KLHDC8A: variants seen among roughly 807,000 people sequenced by gnomAD.
The protein encoded by KLHDC8A is kelch domain containing 8A.
KLHDC8A carries 21 observed loss-of-function variants against 33.1 expected under a neutral mutation model. The observed-to-expected ratio is 0.64, with a 90% CI of 0.45 to 0.91. The LOEUF is 0.91. Among genes scored for constraint, KLHDC8A ranks in the 40% least tolerant of loss-of-function variants. The pLI is 0.00. For synonymous variants in KLHDC8A, 173 were observed against 193.5 expected, an observed-to-expected ratio of 0.89 and a Z score of 0.88; for missense variants, 435 against 483.3, an observed-to-expected ratio of 0.90 and a Z score of 0.94.
At chr1:205,347,517 G>A (rs918730669) in intron 1 of KLHDC8A, among the ~76,000 whole-genome samples, 1 of 152,096 alleles carries the variant, frequency 6.6e-6, no homozygotes, top group Non-Finnish European at 1.5e-5. Context: ...CCAGGAGTTC[G>A]AGACTAGCCT....
At chr1:205,353,562 G>A (rs1056276090) in intron 1 of KLHDC8A, among the ~76,000 whole-genome samples, 4 of 152,104 alleles carry the variant, frequency 2.6e-5, no homozygotes, top group Admixed American at 1.3e-4. Flanking sequence ...GTGATACAAG[G>A]TCTCACTCTG....
intron 1 of KLHDC8A, among the ~76,000 whole-genome samples, chr1:205,346,961 A>T (rs1044946776): frequency 1.3e-5 from 2 of 152,192 alleles, no homozygotes; most frequent in Non-Finnish European, 2.9e-5. Flanking sequence ...ACTAAGGCTC[A>T]TATCCTACAG....
Position 205,337,360 on chromosome 1 carries a change from T to G in KLHDC8A, c.*39A>C. ...ATCATTCCTCATGTTAAGAGTGAAG[T>G]GATATGGTCCAGGGCAAAGGTACTG... On this transcript the variant is annotated 3_prime_UTR_variant, in exon 6 of 6. Transcript: ENST00000367155. 4 of 1,493,884 alleles carry G rather than the reference T, an allele frequency of 2.7e-6. No individual in the cohort carries two copies. The highest frequency in any genetic ancestry group is 1.4e-5 in the African/African-American group (1 of 72,690). The allele number at this position is 1,493,884 out of a possible 1,614,324, so 92.5% of individuals were successfully genotyped here.
Position 205,339,334 on chromosome 1 carries a change from G to T in KLHDC8A, c.617C>A (p.Pro206His). The change falls in exon 4 of 6, where the codon CCC becomes CAC. Residue 206 changes from proline to histidine, a missense_variant. Physicochemically the swap from Pro to His is moderately conservative, Grantham distance 77 (BLOSUM62 -2). Transcript: ENST00000367155. This position sits in a 1 kb window ranked among gnomAD's most constrained non-coding sequence, Gnocchi z 5.1. ...DIETRSWTKF[P>H]NIPYKRAFSS... ...GAAGGCCCGCTTATAGGGAATGTTG[G>T]GAAACTTGGTCCAGGAGCGAGTCTC... 1 of 1,614,224 alleles carries T rather than the reference G, an allele frequency of 6.2e-7. No individual in the cohort carries two copies. The highest frequency in any genetic ancestry group is 8.5e-7 in the Non-Finnish European group (1 of 1,180,044).
chr1:205,337,039 A>G lies in KLHDC8A; in HGVS notation c.*360T>C, dbSNP rs1662651743. 4.0e-6 allele frequency: 1 copy of G among 249,656 alleles called. No homozygotes were observed. The highest frequency in any genetic ancestry group is 7.8e-6 in the Non-Finnish European group (1 of 127,444). 15.5% of individuals were successfully genotyped at this position (249,656 alleles called of 1,614,324 possible). A position where few individuals can be genotyped will look rare whatever the true frequency, so the allele number is the denominator to read the frequency against. Reference sequence around the variant, plus strand: ...TGGGGAAAGACAGCAACAGCAGTCTATCCTCTCGGTCAGAACTGCTCTACC... The same window carrying G: ...TGGGGAAAGACAGCAACAGCAGTCTGTCCTCTCGGTCAGAACTGCTCTACC... On this transcript the variant is annotated 3_prime_UTR_variant, in exon 6 of 6. Coordinates refer to ENST00000367155, the MANE Select transcript of KLHDC8A (RefSeq NM_018203.3).
chr1:205,341,704 G>A (rs1662793628), intron 2 of KLHDC8A, among the ~76,000 whole-genome samples: 2 of 151,768 alleles, frequency 1.3e-5, no homozygotes, highest in African/African-American at 4.8e-5. Context: ...AGGCTGGAGT[G>A]CAGTGGCGCG....
At chr1:205,355,730 C>T (rs1663248865) in intron 1 of KLHDC8A, among the ~76,000 whole-genome samples, 1 of 152,040 alleles carries the variant, frequency 6.6e-6, no homozygotes, top group South Asian at 2.1e-4. Context: ...ATGACTTGCC[C>T]AAGGTCACAC....
chr1:205,339,125 TA>T lies in KLHDC8A; in HGVS notation c.757+68del. 3 of 1,331,746 alleles carry T rather than the reference TA, an allele frequency of 2.3e-6. No individual in the cohort carries two copies. The highest frequency in any genetic ancestry group is 3.2e-6 in the Non-Finnish European group (3 of 941,362). The allele number at this position is 1,331,746 out of a possible 1,614,324, so 82.5% of individuals were successfully genotyped here. ...CCCTGGAAGATGGCTGGAATAGGGG[TA>T]AGGGATGGGGAGCCAGCCAGAAGGG... On this transcript the variant is annotated intron_variant, in intron 4 of 5. Coordinates refer to ENST00000367155, the MANE Select transcript of KLHDC8A (RefSeq NM_018203.3). This position sits in a 1 kb window ranked among gnomAD's most constrained non-coding sequence, Gnocchi z 5.1.
intron 1 of KLHDC8A, chr1:205,351,597 AT>A: frequency 9.0e-6 from 3 of 332,986 alleles, no homozygotes; most frequent in East Asian, 5.2e-5. Flanking sequence ...AACTTCTGTA[AT>A]AGTCAAAAAA....
chr1:205,341,648 T>C (rs1662791488), intron 2 of KLHDC8A, among the ~76,000 whole-genome samples: 1 of 69,832 alleles, frequency 1.4e-5, no homozygotes, highest in Non-Finnish European at 3.1e-5. Context: ...ATAATCTTTG[T>C]TTCTTTTTCT....
At chr1:205,337,956 A>C (rs1395367125) in intron 5 of KLHDC8A, among the ~76,000 whole-genome samples, 1 of 152,120 alleles carries the variant, frequency 6.6e-6, no homozygotes, top group Non-Finnish European at 1.5e-5. Flanking sequence ...CACTAAGTAG[A>C]CTTGGGGTAC....
In KLHDC8A at chr1:205,337,540, G is replaced by A. The variant is rs1426037489; in HGVS notation, c.912C>T (p.Asn304=). 2 of 1,614,002 alleles carry A rather than the reference G, an allele frequency of 1.2e-6. No homozygotes were observed. Among genetic ancestry groups the A allele is most frequent in the Non-Finnish European group, 1.7e-6 (2 of 1,179,964 alleles). ...ETAEAFHPGK[N]KWEILPAMPT... ...GCATGGCAGGGAGGATCTCCCATTT[G>A]TTCTTCCCTGGGTGGAATGCTTCCG... The change falls in exon 6 of 6, where the codon AAC becomes AAT. Residue 304 remains asparagine, a synonymous_variant. Coordinates refer to ENST00000367155, the MANE Select transcript of KLHDC8A (RefSeq NM_018203.3).
intron 2 of KLHDC8A, among the ~76,000 whole-genome samples, chr1:205,340,706 C>T (rs1662767408): frequency 1.3e-5 from 2 of 152,190 alleles, no homozygotes; most frequent in South Asian, 4.1e-4. Flanking sequence ...AACTCCTGAC[C>T]TCAGGTGATC....
chr1:205,343,700 C>T lies in KLHDC8A; in HGVS notation c.-96G>A. ...GCTCCCACGGCCCCTATCGCCACCT[C>T]CATCTGGCTCCCGAGCGCCGGACCC... is the stretch of plus-strand genomic sequence containing the variant. On this transcript the variant is annotated 5_prime_UTR_variant, in exon 2 of 6. Coordinates refer to ENST00000367155, the MANE Select transcript of KLHDC8A (RefSeq NM_018203.3). 7.5e-7 allele frequency: 1 copy of T among 1,325,414 alleles called. No homozygotes were observed. 82.1% of individuals were successfully genotyped at this position (1,325,414 alleles called of 1,614,324 possible). A position where few individuals can be genotyped will look rare whatever the true frequency, so the allele number is the denominator to read the frequency against.
chr1:205,340,242 G>A (rs532134396), intron 2 of KLHDC8A, among the ~76,000 whole-genome samples: 110 of 151,162 alleles, frequency 7.3e-4, no homozygotes, highest in African/African-American at 2.2e-3. Context: ...CTCGAACTCC[G>A]GGGCTCAAGC....
chr1:205,353,822 G>A (rs1403145457), intron 1 of KLHDC8A, among the ~76,000 whole-genome samples: 1 of 152,180 alleles, frequency 6.6e-6, no homozygotes, highest in African/African-American at 2.4e-5. Flanking sequence ...CATTTACTCT[G>A]TTTATCACAT....
In KLHDC8A at chr1:205,343,363, A is replaced by G; in HGVS notation, c.242T>C (p.Ile81Thr). ...GGTGCCCACGCCCCCAATCACCATG[A>G]TCCGCTTCCCCAGGGCGGTGACGGC... ...GVAVTALGKR[I>T]MVIGGVGTNQ... Residue 81 changes from isoleucine to threonine, a missense_variant, in exon 2 of 6, where the codon ATC (isoleucine) becomes ACC (threonine). By Grantham distance (89) the Ile-to-Thr change is moderately conservative. Coordinates refer to ENST00000367155, the MANE Select transcript of KLHDC8A (RefSeq NM_018203.3). 3 of 1,613,722 alleles carry G rather than the reference A, an allele frequency of 1.9e-6. No individual in the cohort carries two copies. The highest frequency in any genetic ancestry group is 2.5e-6 in the Non-Finnish European group (3 of 1,179,940).
At chr1:205,346,682 G>GC (rs1239384890) in intron 1 of KLHDC8A, among the ~76,000 whole-genome samples, 23 of 152,332 alleles carry the variant, frequency 1.5e-4, no homozygotes, top group Middle Eastern at 3.4e-3. Context: ...TTAGGACCAT[G>GC]CAGGCCGTTC....
In KLHDC8A at chr1:205,338,524, C is replaced by T. The variant is rs1426987024; in HGVS notation, c.830G>A (p.Ser277Asn). ...RRADFVAGSL[S>N]GRVIVAGGLG... Reference sequence around the variant, plus strand: ...TCCCCCAGCCACTATGACCCGTCCACTCAGAGAGCCAGCCACAAAATCTGC... The same window carrying T: ...TCCCCCAGCCACTATGACCCGTCCATTCAGAGAGCCAGCCACAAAATCTGC... The change falls in exon 5 of 6, where the codon AGT becomes AAT. Residue 277 changes from serine to asparagine, a missense_variant. By Grantham distance (46) the Ser-to-Asn change is conservative (BLOSUM62 1). Coordinates refer to ENST00000367155, the MANE Select transcript of KLHDC8A (RefSeq NM_018203.3). 7 of 1,614,052 alleles carry T rather than the reference C, an allele frequency of 4.3e-6. No homozygotes were observed. Among genetic ancestry groups the T allele is most frequent in the African/African-American group, 2.7e-5 (2 of 74,928 alleles).
Sources: allele counts gnomAD v4.1 joint callset (sites outside exome capture counted in the v4.1 genomes callset), GRCh38; gene constraint gnomAD v4.1.1; non-coding constraint Gnocchi (gnomAD v3.1); transcripts MANE v1.5; gene names NCBI Gene and HGNC (gene_info 2026-07-23, HGNC 2026-07-21).